The following TP63 variants were observed in gnomAD, a reference collection of about 807,000 sequenced individuals.
TP63 encodes the protein tumor protein p63.
TP63 carries 17 observed loss-of-function variants against 82.8 expected under a neutral mutation model. The ratio of observed to expected loss-of-function variants is 0.21; its 90% CI spans 0.14 to 0.31. The LOEUF (loss-of-function observed/expected upper bound fraction) is 0.31. Ranked by LOEUF, TP63 falls within the 10% of genes least tolerant of loss-of-function variation. The pLI is 1.00. For missense variants in TP63, 648 were observed against 895.3 expected, an observed-to-expected ratio of 0.72 and a Z score of 3.52; for synonymous variants, 330 against 321.7, an observed-to-expected ratio of 1.03 and a Z score of -0.28.
chr3:189,748,956 G>A (rs1441297370), intron 3 of TP63, among the ~76,000 whole-genome samples: 1 of 152,050 alleles, frequency 6.6e-6, no homozygotes, highest in Non-Finnish European at 1.5e-5. Context: ...TCAATAAGTG[G>A]TACTGGGAAA....
intron 1 of TP63, among the ~76,000 whole-genome samples, chr3:189,632,816 T>C (rs1214501904): frequency 1.3e-5 from 2 of 152,082 alleles, no homozygotes; most frequent in Admixed American, 6.6e-5. Flanking sequence ...CAGTTGAGGA[T>C]TGGGTTGATT....
chr3:189,691,509 C>A (rs1716930532), intron 1 of TP63, among the ~76,000 whole-genome samples: 1 of 152,052 alleles, frequency 6.6e-6, no homozygotes, highest in Non-Finnish European at 1.5e-5. Flanking sequence ...ACATCTCTGG[C>A]CTCTTTCCAT....
At chr3:189,793,046 G>T (rs1397033925) in intron 3 of TP63, among the ~76,000 whole-genome samples, 1 of 152,050 alleles carries the variant, frequency 6.6e-6, no homozygotes, top group Non-Finnish European at 1.5e-5. Flanking sequence ...CACAGTGGGT[G>T]AGAAGCAGAA....
At chr3:189,629,915 T>A (rs1450385614), upstream of TP63, among the ~76,000 whole-genome samples, 1 of 152,182 alleles carries the variant, frequency 6.6e-6, no homozygotes, top group Admixed American at 6.5e-5. Context: ...CTATAATTAA[T>A]TAGTTAAGCA....
At chr3:189,620,506 C>CAAAAA in the TP63 span, among the ~76,000 whole-genome samples, 81 of 68,764 alleles carry the variant, frequency 1.2e-3, 3 homozygotes, top group Non-Finnish European at 1.7e-3. Context: ...AAGACTCCAT[C>CAAAAA]AAAAAAAAAA....
At chr3:189,699,811 G>A (rs548497014) in intron 1 of TP63, among the ~76,000 whole-genome samples, 1 of 152,216 alleles carries the variant, frequency 6.6e-6, no homozygotes, top group South Asian at 2.1e-4. Context: ...AGAAAAAAAG[G>A]AAAAGAAACT....
intron 1 of TP63, among the ~76,000 whole-genome samples, chr3:189,710,807 C>T (rs1449622386): frequency 1.3e-5 from 2 of 152,118 alleles, no homozygotes; most frequent in African/African-American, 4.8e-5. Context: ...TGCCAAACTC[C>T]ACCTCCTGCT....
At chr3:189,612,136 C>T in the TP63 span, among the ~76,000 whole-genome samples, 3 of 151,992 alleles carry the variant, frequency 2.0e-5, no homozygotes, top group Non-Finnish European at 2.9e-5. Flanking sequence ...TCGTGCCTAA[C>T]GGACTGTATC....
At chr3:189,852,328 A>G (rs558192221) in intron 4 of TP63, among the ~76,000 whole-genome samples, 21 of 152,366 alleles carry the variant, frequency 1.4e-4, no homozygotes, top group Non-Finnish European at 2.4e-4. Context: ...ATTGTCGACA[A>G]TTCCATTGGC....
intron 1 of TP63, among the ~76,000 whole-genome samples, chr3:189,702,921 G>T (rs1717919370): frequency 6.6e-6 from 1 of 152,184 alleles, no homozygotes. Context: ...CAGGTTTTAG[G>T]CACTGGCTCA....
At chr3:189,767,223 G>T (rs573098182) in intron 3 of TP63, among the ~76,000 whole-genome samples, 2 of 152,202 alleles carry the variant, frequency 1.3e-5, no homozygotes, top group East Asian at 3.9e-4. Context: ...ACAGATGTCA[G>T]TGGATTCTTT....
At chr3:189,830,748 T>C (rs1237216330) in intron 4 of TP63, among the ~76,000 whole-genome samples, 3 of 151,952 alleles carry the variant, frequency 2.0e-5, no homozygotes, top group Non-Finnish European at 2.9e-5. Context: ...AACAGAAAAA[T>C]TAATATGTGA....
At chr3:189,658,903 G>A (rs182675036) in intron 1 of TP63, among the ~76,000 whole-genome samples, 51 of 151,892 alleles carry the variant, frequency 3.4e-4, no homozygotes, top group African/African-American at 1.2e-3. Context: ...ATAATGTATC[G>A]GTATTGGTTC....
At chr3:189,760,481 C>T (rs1004001141) in intron 3 of TP63, among the ~76,000 whole-genome samples, 3 of 152,240 alleles carry the variant, frequency 2.0e-5, no homozygotes, top group Admixed American at 6.5e-5. Context: ...AAATGGTCTC[C>T]TTTGACTGCA....
intron 1 of TP63, among the ~76,000 whole-genome samples, chr3:189,732,424 G>T (rs2108786013): frequency 6.6e-6 from 1 of 152,300 alleles, no homozygotes; most frequent in African/African-American, 2.4e-5. Flanking sequence ...GGGAGGGATA[G>T]GTTTCATATA....
intron 1 of TP63, among the ~76,000 whole-genome samples, chr3:189,710,643 A>G (rs1185125533): frequency 6.6e-6 from 1 of 152,128 alleles, no homozygotes; most frequent in African/African-American, 2.4e-5. Context: ...CTATACTGCA[A>G]TTTCTCTACA....
intron 1 of TP63, among the ~76,000 whole-genome samples, chr3:189,673,246 T>A (rs932267858): frequency 5.3e-5 from 8 of 152,154 alleles, no homozygotes; most frequent in Admixed American, 2.0e-4. Flanking sequence ...AAGAAGGGAA[T>A]CTTCCTCAGT....
At chr3:189,680,664 A>G (rs980535641) in intron 1 of TP63, among the ~76,000 whole-genome samples, 1 of 152,214 alleles carries the variant, frequency 6.6e-6, no homozygotes, top group African/African-American at 2.4e-5. Context: ...TATCACATTA[A>G]CAGGTCCACA....
At chr3:189,612,965 G>A in the TP63 span, among the ~76,000 whole-genome samples, 1 of 152,130 alleles carries the variant, frequency 6.6e-6, no homozygotes, top group African/African-American at 2.4e-5. Flanking sequence ...CTTGGGTTCT[G>A]TTAAAGGCAT....
Sources: gnomAD v4.1 joint callset for allele counts (sites outside exome capture counted in the v4.1 genomes callset) on GRCh38, gnomAD v4.1.1 for gene constraint, MANE v1.5 for transcripts, NCBI Gene and HGNC (gene_info 2026-07-23, HGNC 2026-07-21) for gene names.